The following PRPF38B variants were observed in gnomAD, a reference collection of about 807,000 sequenced individuals.
PRPF38B encodes the protein pre-mRNA processing factor 38B.
PRPF38B carries 18 observed loss-of-function variants against 67.2 expected under a neutral mutation model. That is an observed-to-expected ratio of 0.27 (90% CI 0.19 to 0.40). The LOEUF (loss-of-function observed/expected upper bound fraction) is 0.40. PRPF38B is among the 10% of genes least tolerant of loss of function. The pLI, the probability that PRPF38B is intolerant of heterozygous loss-of-function variation, is 1.00. For synonymous variants in PRPF38B, 246 were observed against 234.2 expected, an observed-to-expected ratio of 1.05 and a Z score of -0.46; for missense variants, 544 against 684.9, an observed-to-expected ratio of 0.79 and a Z score of 2.30.
Position 108,697,517 on chromosome 1 carries a change from A to G in PRPF38B, c.559-1087A>G, listed in dbSNP as rs545505343. ...AAAAAAAAAAAAATCTCATTTAGAC[A>G]TGGAGAATTTTTATTTTTCTCTTTT... On this transcript the variant is annotated intron_variant, in intron 4 of 5. Coordinates refer to ENST00000370025, the MANE Select transcript of PRPF38B (RefSeq NM_018061.4). The G allele has an allele frequency of 3.3e-5, 5 of 150,410 alleles. No individual in the cohort carries two copies. In the East Asian group the frequency reaches 5.8e-4, roughly 17 times the overall value. 9.3% of individuals were successfully genotyped at this position (150,410 alleles called of 1,614,324 possible).
Position 108,692,679 on chromosome 1 carries a change from G to A in PRPF38B, c.88G>A (p.Gly30Ser). ...AAAAQQQQQC[G>S]GGGATKPAVS... ...TGCGGCTCAGCAACAGCAGCAGTGC[G>A]GCGGCGGCGGCGCTACCAAGCCGGC... The change falls in exon 1 of 6, where the codon GGC (glycine) becomes AGC (serine). Residue 30 changes from glycine to serine, a missense_variant. Coordinates refer to ENST00000370025, the MANE Select transcript of PRPF38B (RefSeq NM_018061.4). 6.2e-7 allele frequency: 1 copy of A among 1,611,232 alleles called. No homozygotes were observed. The highest frequency in any genetic ancestry group is 1.7e-5 in the Admixed American group (1 of 59,936).
intron 1 of PRPF38B, 144 bp from the exon 2 acceptor site, chr1:108,695,558 C>A: frequency 1.4e-6 from 1 of 697,918 alleles, no homozygotes; most frequent in Non-Finnish European, 2.3e-6. Context: ...AAATGATTTA[C>A]ACACTTAATA....
At chr1:108,696,620 C>G (rs1659882216) in intron 4 of PRPF38B, 1 of 661,756 alleles carries the variant, frequency 1.5e-6, no homozygotes. Context: ...TTGTATTGAT[C>G]CTGAATTGTA....
At chr1:108,697,198 A>G (rs550562253) in intron 4 of PRPF38B, 1 of 157,212 alleles carries the variant, frequency 6.4e-6, no homozygotes, top group African/African-American at 2.4e-5. Context: ...AGCCAAGATC[A>G]TTGCCACTGC....
rs995279015 is a variant in PRPF38B, at chr1:108,702,611, C to A, written c.*2591C>A. ...CTTGAAACATGAGAACATTTGGACACGAACATCACACGCCGGGGCCTGTTG... is the reference window on the plus strand; with the variant it reads ...CTTGAAACATGAGAACATTTGGACAAGAACATCACACGCCGGGGCCTGTTG... On this transcript the variant is annotated 3_prime_UTR_variant, in exon 6 of 6. Coordinates refer to ENST00000370025, the MANE Select transcript of PRPF38B (RefSeq NM_018061.4). 6.6e-6 allele frequency among the ~76,000 whole-genome samples: 1 copy of A among 151,902 alleles called. No individual in the cohort carries two copies. The highest frequency in any genetic ancestry group is 1.5e-5 in the Non-Finnish European group (1 of 68,000).
intron 4 of PRPF38B, chr1:108,696,552 G>T: frequency 3.3e-6 from 2 of 607,276 alleles, no homozygotes; most frequent in Non-Finnish European, 5.8e-6. Flanking sequence ...TTTTAAAATT[G>T]TTTAAATGTG....
chr1:108,696,941 C>T (rs550971365), intron 4 of PRPF38B: 8 of 548,252 alleles, frequency 1.5e-5, no homozygotes, highest in African/African-American at 1.2e-4. Flanking sequence ...ATTCGAGTCT[C>T]CCTAATTTGA....
chr1:108,698,235 G>C (rs1660077398), intron 4 of PRPF38B: 2 of 162,640 alleles, frequency 1.2e-5, no homozygotes, highest in African/African-American at 2.4e-5. Flanking sequence ...TATGTAGCTA[G>C]GTTATGGTGC....
Position 108,700,004 on chromosome 1 carries a change from A to G in PRPF38B, c.1625A>G (p.Lys542Arg), listed in dbSNP as rs140476695. The G allele has an allele frequency of 1.9e-6, 3 of 1,583,942 alleles. No individual in the cohort carries two copies. The highest frequency in any genetic ancestry group is 1.2e-5 in the South Asian group (1 of 86,790). Residue 542 changes from lysine to arginine, a missense_variant, in exon 6 of 6, where the codon AAA becomes AGA. Transcript: ENST00000370025. Reference protein sequence around the residue: ...QESQEKQHKNKDETV With the variant: ...QESQEKQHKNRDETV ...AGCCAAGAAAAACAGCATAAAAACA[A>G]AGATGAGACTGTGTGAAAATATTTT...
At chr1:108,699,060 G>A in intron 5 of PRPF38B, 102 bp from the exon 6 acceptor site, 2 of 1,514,660 alleles carry the variant, frequency 1.3e-6, no homozygotes, top group Non-Finnish European at 1.8e-6. Context: ...ATGGCCTTAA[G>A]CTTGAGGACA....
At chr1:108,696,960 A>G in intron 4 of PRPF38B, 1 of 548,930 alleles carries the variant, frequency 1.8e-6, no homozygotes, top group Non-Finnish European at 3.2e-6. Flanking sequence ...GAAATCTGAA[A>G]TACTAAGTTA....
Position 108,699,907 on chromosome 1 carries a change from C to A in PRPF38B, c.1528C>A (p.Arg510=), listed in dbSNP as rs767920186. ...RSRSKERSHK[R]DHSDSKDQSD... is the part of the protein sequence containing the mutation. ...TAGAAGCAAAGAACGTTCCCACAAA[C>A]GAGATCACAGTGATAGTAAGGACCA... is the stretch of plus-strand genomic sequence containing the variant. The change falls in exon 6 of 6, where the codon CGA becomes AGA. Residue 510 remains arginine, a synonymous_variant. Coordinates refer to ENST00000370025, the MANE Select transcript of PRPF38B (RefSeq NM_018061.4). 1.6e-5 allele frequency: 26 copies of A among 1,613,958 alleles called. No homozygotes were observed. Among genetic ancestry groups the A allele is most frequent in the Admixed American group, 8.3e-5 (5 of 59,996 alleles).
In PRPF38B at chr1:108,692,710, C is replaced by CT. The variant is rs1557759249; in HGVS notation, c.119_120insT (p.Gly41ArgfsTer52). The CT allele has an allele frequency of 3.7e-6, 6 of 1,613,502 alleles. No homozygotes were observed. In the Admixed American group the frequency reaches 8.3e-5, roughly 22 times the overall value. On this transcript the variant is annotated frameshift_variant, in exon 1 of 6. Transcript: ENST00000370025. LOFTEE classifies it high-confidence loss of function. ...GGCGGCGCTACCAAGCCGGCGGTCT[C>CT]CGGCAAGCAGGGCAATGTGCTCCCG... is the stretch of plus-strand genomic sequence containing the variant.
chr1:108,697,266 A>G (rs1384322251), intron 4 of PRPF38B: 2 of 152,770 alleles, frequency 1.3e-5, no homozygotes, highest in Non-Finnish European at 2.9e-5. Flanking sequence ...AATATCATAT[A>G]TGCATTAATT....
In PRPF38B at chr1:108,699,100, TG is replaced by T. The variant is rs1206181701; in HGVS notation, c.783-61del. Reference sequence around the variant, plus strand: ...TAAATAATGCTGTTGAAAGTTTTACTGTGAAAAGAATTGCATATGTTTTATT... The same window carrying T: ...TAAATAATGCTGTTGAAAGTTTTACTTGAAAAGAATTGCATATGTTTTATT... On this transcript the variant is annotated intron_variant, in intron 5 of 5. Transcript: ENST00000370025. 9.2e-6 allele frequency: 14 copies of T among 1,528,452 alleles called. No individual in the cohort carries two copies. In the African/African-American group the frequency reaches 1.8e-4, roughly 20 times the overall value. The allele number at this position is 1,528,452 out of a possible 1,614,324, so 94.7% of individuals were successfully genotyped here.
chr1:108,694,830 T>TTTGTTG (rs150089718), intron 1 of PRPF38B, among the ~76,000 whole-genome samples: 2 of 152,170 alleles, frequency 1.3e-5, no homozygotes, highest in African/African-American at 4.8e-5. Context: ...TTAATATTCT[T>TTTGTTG]TTGTTGTTGT....
chr1:108,692,837 C>G lies in PRPF38B; in HGVS notation c.246C>G (p.Tyr82Ter). ...TACAGCTCTACGAGCTCAAGACCTACCACGAGGTGGTGGACGAGATCTACT... is the reference window on the plus strand; with the variant it reads ...TACAGCTCTACGAGCTCAAGACCTAGCACGAGGTGGTGGACGAGATCTACT... ...FKVQLYELKT[Y>*]HEVVDEIYFK... The change falls in exon 1 of 6, where the codon TAC (tyrosine) becomes TAG (stop). Residue 82 changes from tyrosine (Y) to a stop codon, truncating the protein, a stop_gained. Coordinates refer to ENST00000370025, the MANE Select transcript of PRPF38B (RefSeq NM_018061.4). LOFTEE classifies it high-confidence loss of function. 1 of 1,614,190 alleles carries G rather than the reference C, an allele frequency of 6.2e-7. No homozygotes were observed.
intron 4 of PRPF38B, chr1:108,697,590 A>G (rs1010322853): frequency 6.7e-6 from 1 of 149,970 alleles, no homozygotes; most frequent in African/African-American, 2.5e-5. Context: ...CACTCAGAAG[A>G]AGCAAAACGT....
chr1:108,694,089 T>C (rs187631851), intron 1 of PRPF38B, among the ~76,000 whole-genome samples: 130 of 152,384 alleles, frequency 8.5e-4, no homozygotes, highest in Admixed American at 2.1e-3. Context: ...AAAACATCTC[T>C]TGAATACAGT....
Sources: gnomAD v4.1 joint callset for allele counts (sites outside exome capture counted in the v4.1 genomes callset) on GRCh38, gnomAD v4.1.1 for gene constraint, MANE v1.5 for transcripts, NCBI Gene and HGNC (gene_info 2026-07-23, HGNC 2026-07-21) for gene names.